Variants in PPP2R3A observed in about 807,000 individuals in gnomAD.
PPP2R3A encodes the protein serine/threonine-protein phosphatase 2A regulatory subunit B'' subunit alpha.
PPP2R3A carries 80 observed loss-of-function variants against 106.9 expected under a neutral mutation model. The observed-to-expected ratio is 0.75, with a 90% CI of 0.62 to 0.90. The LOEUF (loss-of-function observed/expected upper bound fraction) is 0.90, where lower values mean the gene tolerates loss of function less well. Ranked by LOEUF, PPP2R3A falls within the 40% of genes least tolerant of loss-of-function variation. The pLI is 0.00. For synonymous variants in PPP2R3A, 483 were observed against 468.3 expected, an observed-to-expected ratio of 1.03 and a Z score of -0.41; for missense variants, 1,386 against 1,350.4, an observed-to-expected ratio of 1.03 and a Z score of -0.41.
intron 1 of PPP2R3A, among the ~76,000 whole-genome samples, chr3:135,991,562 G>A (rs1367810491): frequency 1.3e-5 from 2 of 152,158 alleles, no homozygotes; most frequent in African/African-American, 4.8e-5. Flanking sequence ...AATATTAATA[G>A]CCTATTCATC....
chr3:136,002,868 A>G lies in PPP2R3A; in HGVS notation c.1370A>G (p.His457Arg), dbSNP rs1224557668. 2.5e-6 allele frequency: 4 copies of G among 1,613,644 alleles called. No individual in the cohort carries two copies. The highest frequency in any genetic ancestry group is 1.6e-4 in the Middle Eastern group (1 of 6,082). Reference protein sequence around the residue: ...HRAEFPEHATHLKKCPTPMQN... With the variant: ...HRAEFPEHATRLKKCPTPMQN... ...GCAGAATTTCCAGAACATGCTACTC[A>G]TCTTAAAAAATGCCCCACCCCAATG... The change falls in exon 2 of 14, where the codon CAT becomes CGT. Residue 457 changes from histidine to arginine, a missense_variant. Physicochemically the swap from His to Arg is conservative, Grantham distance 29. Transcript: ENST00000264977.
At chr3:136,057,167 A>G (rs993411072) in intron 5 of PPP2R3A, among the ~76,000 whole-genome samples, 1 of 152,092 alleles carries the variant, frequency 6.6e-6, no homozygotes, top group Non-Finnish European at 1.5e-5. Flanking sequence ...TAAAAATAGA[A>G]CTTCCATATG....
At chr3:136,114,255 G>A (rs1238726617) in intron 13 of PPP2R3A, among the ~76,000 whole-genome samples, 2 of 152,228 alleles carry the variant, frequency 1.3e-5, no homozygotes, top group Non-Finnish European at 2.9e-5. Flanking sequence ...TTTTCCCACA[G>A]TCTTCACTAC....
At chr3:136,071,265 T>A (rs1576479773) in intron 6 of PPP2R3A, among the ~76,000 whole-genome samples, 1 of 152,268 alleles carries the variant, frequency 6.6e-6, no homozygotes, top group East Asian at 1.9e-4. Flanking sequence ...GGCCGTCTCC[T>A]CTGAGGACCA....
chr3:136,102,221 T>G, intron 11 of PPP2R3A, 39 bp downstream of exon 11: 1 of 1,603,262 alleles, frequency 6.2e-7, no homozygotes, highest in Non-Finnish European at 8.5e-7. Flanking sequence ...TGTTCACCTA[T>G]GTATCAGAGG....
intron 8 of PPP2R3A, among the ~76,000 whole-genome samples, chr3:136,084,041 C>T (rs1406725112): frequency 2.0e-5 from 3 of 152,142 alleles, no homozygotes; most frequent in Non-Finnish European, 4.4e-5. Context: ...AAATTCAAGC[C>T]CACTGCAGAA....
At chr3:136,070,072 T>C (rs889915592) in intron 5 of PPP2R3A, among the ~76,000 whole-genome samples, 3 of 152,190 alleles carry the variant, frequency 2.0e-5, no homozygotes, top group Non-Finnish European at 4.4e-5. Context: ...TTTTAGATTA[T>C]GAAAGAGGAT....
intron 4 of PPP2R3A, among the ~76,000 whole-genome samples, chr3:136,042,156 T>C (rs986855648): frequency 6.6e-6 from 1 of 152,224 alleles, no homozygotes; most frequent in African/African-American, 2.4e-5. Flanking sequence ...CTTGAGAATA[T>C]AGTAGGTGAT....
At chr3:136,130,817 G>A (rs1358591165) in intron 13 of PPP2R3A, among the ~76,000 whole-genome samples, 1 of 152,136 alleles carries the variant, frequency 6.6e-6, no homozygotes, top group African/African-American at 2.4e-5. Context: ...CAGATGTATA[G>A]ACCAATGAAA....
intron 10 of PPP2R3A, among the ~76,000 whole-genome samples, chr3:136,096,427 A>G (rs1379671806): frequency 6.6e-6 from 1 of 152,216 alleles, no homozygotes; most frequent in Non-Finnish European, 1.5e-5. Context: ...TATGCCTGGT[A>G]ACAGAGGTAG....
At chr3:136,045,627 C>T (rs997587369) in intron 4 of PPP2R3A, among the ~76,000 whole-genome samples, 16 of 152,312 alleles carry the variant, frequency 1.1e-4, no homozygotes, top group Admixed American at 1.0e-3. Flanking sequence ...GAAGTTCTCA[C>T]TGCTATCTGC....
chr3:135,977,585 C>T (rs540292841), intron 1 of PPP2R3A, among the ~76,000 whole-genome samples: 2 of 149,868 alleles, frequency 1.3e-5, no homozygotes, highest in East Asian at 2.0e-4. Context: ...GTGTGCAACA[C>T]GTGTCAAAAT....
At chr3:135,967,194 T>A (rs1937114103) in intron 1 of PPP2R3A, among the ~76,000 whole-genome samples, 1 of 152,164 alleles carries the variant, frequency 6.6e-6, no homozygotes, top group South Asian at 2.1e-4. Context: ...AAAACTTAGA[T>A]CTTTTATACA....
chr3:136,069,290 A>G (rs191202194), intron 5 of PPP2R3A, among the ~76,000 whole-genome samples: 1 of 152,248 alleles, frequency 6.6e-6, no homozygotes, highest in Admixed American at 6.5e-5. Flanking sequence ...TCCAAATAAA[A>G]AGTTAGCCAG....
At chr3:135,997,900 G>A (rs1480637486) in intron 1 of PPP2R3A, among the ~76,000 whole-genome samples, 1 of 152,180 alleles carries the variant, frequency 6.6e-6, no homozygotes, top group Non-Finnish European at 1.5e-5. Context: ...TAGGTCTTCA[G>A]TCTGGTTCCT....
chr3:136,071,062 G>T (rs1280402910), intron 6 of PPP2R3A, among the ~76,000 whole-genome samples: 1 of 152,256 alleles, frequency 6.6e-6, no homozygotes. Flanking sequence ...CATTTGGTCA[G>T]TCCCAGTTAG....
chr3:136,127,989 G>T (rs13082532), intron 13 of PPP2R3A, among the ~76,000 whole-genome samples: 26,797 of 152,126 alleles, frequency 0.18, 3,129 homozygotes, highest in Non-Finnish European at 0.26. Context: ...CACCAGGCCT[G>T]CCTTATAAGA....
intron 13 of PPP2R3A, among the ~76,000 whole-genome samples, chr3:136,120,363 A>G (rs9857125): frequency 1 from 151,756 of 152,270 alleles, 75,624 homozygotes; most frequent in Middle Eastern, 1. Flanking sequence ...CAAGGCAGAC[A>G]GATCACTTGA....
rs1485417390 is a variant in PPP2R3A at position 136,011,296 on chromosome 3, A to C, written c.1995+7803A>C. Among the ~76,000 whole-genome samples, 3 of 151,696 alleles carry C rather than the reference A, an allele frequency of 2.0e-5. No homozygotes were observed. In the East Asian group the frequency reaches 5.8e-4, roughly 29 times the overall value. ...TGTTTCTTTTTCTCCACTGACTCCT[A>C]CCACTAGAATGAAACCTCTATGAGA... On this transcript the variant is annotated intron_variant, in intron 2 of 13. Transcript: ENST00000264977.
Sources: gnomAD v4.1 joint callset for allele counts (sites outside exome capture counted in the v4.1 genomes callset) on GRCh38, gnomAD v4.1.1 for gene constraint, MANE v1.5 for transcripts, NCBI Gene and HGNC (gene_info 2026-07-23, HGNC 2026-07-21) for gene names.